Variants in IQCM observed in about 807,000 individuals in gnomAD.
The protein encoded by IQCM is IQ domain-containing protein M.
In IQCM, 45 loss-of-function variants were observed where a neutral mutation model predicts 57.6. The ratio of observed to expected loss-of-function variants is 0.78; its 90% CI spans 0.62 to 1.00. The LOEUF (loss-of-function observed/expected upper bound fraction) is 1.00. IQCM is among the 50% of genes least tolerant of loss of function. The probability of loss-of-function intolerance (pLI) is 0.00; values close to 1 mark genes in which losing one functional copy is unlikely to be tolerated. For missense variants in IQCM, 468 were observed against 511.6 expected, an observed-to-expected ratio of 0.91 and a Z score of 0.82; for synonymous variants, 148 against 158.9, an observed-to-expected ratio of 0.93 and a Z score of 0.51.
At chr4:149,618,560 C>A (rs908248192) in intron 8 of IQCM, among the ~76,000 whole-genome samples, 3 of 152,032 alleles carry the variant, frequency 2.0e-5, no homozygotes, top group South Asian at 2.1e-4. Flanking sequence ...AATAAACAGA[C>A]AACCTACAGA....
At chr4:149,659,966 C>A (rs1248495284) in intron 7 of IQCM, among the ~76,000 whole-genome samples, 2,399 of 151,432 alleles carry the variant, frequency 0.016, 35 homozygotes, top group African/African-American at 0.041. Context: ...GCAACAAAAG[C>A]CAAAATTGAC....
intron 5 of IQCM, chr4:149,691,653 G>A (rs1247690643): frequency 6.6e-6 from 1 of 152,060 alleles, no homozygotes; most frequent in Admixed American, 6.6e-5. Context: ...TGAAATTTTT[G>A]TTGTTGTTTT....
chr4:149,512,535 C>A (rs965169413), intron 12 of IQCM, among the ~76,000 whole-genome samples: 2 of 152,046 alleles, frequency 1.3e-5, no homozygotes, highest in African/African-American at 4.8e-5. Context: ...TAATTTCTTT[C>A]TCTTTTAAAT....
At chr4:149,414,728 A>C (rs1469513764) in intron 13 of IQCM, among the ~76,000 whole-genome samples, 1 of 152,060 alleles carries the variant, frequency 6.6e-6, no homozygotes, top group Non-Finnish European at 1.5e-5. Flanking sequence ...TTTTTTAAAA[A>C]TTAAAAAATA....
chr4:149,777,158 A>C (rs1320380563), intron 2 of IQCM, among the ~76,000 whole-genome samples: 1 of 152,184 alleles, frequency 6.6e-6, no homozygotes, highest in Non-Finnish European at 1.5e-5. Flanking sequence ...ATTTACTAAA[A>C]TCTTTCCTTT....
chr4:149,806,704 A>T (rs1213028067), intron 2 of IQCM, among the ~76,000 whole-genome samples: 3 of 152,006 alleles, frequency 2.0e-5, no homozygotes, highest in Admixed American at 2.0e-4. Flanking sequence ...TAAAGGATCA[A>T]AAATCTTATG....
At chr4:149,731,375 G>C (rs544699700) in intron 5 of IQCM, among the ~76,000 whole-genome samples, 1 of 152,144 alleles carries the variant, frequency 6.6e-6, no homozygotes, top group South Asian at 2.1e-4. Context: ...TGGAAGCAGA[G>C]ACTGGACCCT....
chr4:149,598,368 A>T (rs943944602), intron 8 of IQCM, among the ~76,000 whole-genome samples: 5 of 152,198 alleles, frequency 3.3e-5, no homozygotes, highest in African/African-American at 1.2e-4. Context: ...GGTAAAATAC[A>T]TTAAAATCTA....
intron 11 of IQCM, among the ~76,000 whole-genome samples, chr4:149,549,618 GA>G (rs1161302076): frequency 1.3e-5 from 2 of 152,092 alleles, no homozygotes; most frequent in Non-Finnish European, 2.9e-5. Flanking sequence ...TTTCTACTTT[GA>G]AATATGTTAC....
intron 8 of IQCM, among the ~76,000 whole-genome samples, chr4:149,609,417 A>G (rs1234931793): frequency 6.6e-6 from 1 of 151,906 alleles, no homozygotes; most frequent in Non-Finnish European, 1.5e-5. Flanking sequence ...TGATACAAAA[A>G]CCAGACAAAG....
intron 7 of IQCM, among the ~76,000 whole-genome samples, chr4:149,629,321 A>G (rs1757062355): frequency 2.0e-5 from 3 of 152,250 alleles, no homozygotes; most frequent in African/African-American, 7.2e-5. Flanking sequence ...TGATTATCCA[A>G]AGAAACAATA....
At chr4:149,669,202 G>A (rs996959894) in intron 7 of IQCM, among the ~76,000 whole-genome samples, 1 of 152,060 alleles carries the variant, frequency 6.6e-6, no homozygotes, top group African/African-American at 2.4e-5. Flanking sequence ...TCTCGTTGTG[G>A]TTTTGATTTG....
rs193033830 is a variant in IQCM at position 149,424,189 on chromosome 4, G to A, written c.1390+9207C>T. On this transcript the variant is annotated intron_variant, in intron 13 of 13. Coordinates refer to ENST00000636793, the MANE Select transcript of IQCM (RefSeq NM_001363507.2). ...CAAATAAATATTATATATTTCACAT[G>A]TATTTTAAAATGTAAAACTATTTTT... Among the ~76,000 whole-genome samples, 162 of 151,724 alleles carry A rather than the reference G, an allele frequency of 1.1e-3. 1 individual carries two copies. The highest frequency in any genetic ancestry group is 9.9e-3 in the Admixed American group (150 of 15,186).
chr4:149,698,812 A>G (rs1027752403), intron 5 of IQCM, among the ~76,000 whole-genome samples: 1 of 152,114 alleles, frequency 6.6e-6, no homozygotes, highest in Non-Finnish European at 1.5e-5. Flanking sequence ...AAGTAAGTAT[A>G]AATATGAACT....
At chr4:149,632,763 A>T (rs1028084665) in intron 7 of IQCM, among the ~76,000 whole-genome samples, 2 of 152,236 alleles carry the variant, frequency 1.3e-5, no homozygotes, top group African/African-American at 4.8e-5. Context: ...GATTGGTGGG[A>T]ACTTCACTAA....
At chr4:149,386,494 G>C (rs1186529224) in intron 13 of IQCM, among the ~76,000 whole-genome samples, 2 of 151,724 alleles carry the variant, frequency 1.3e-5, no homozygotes, top group South Asian at 4.2e-4. Context: ...CCTTTTAAAA[G>C]GTATACTTTT....
intron 2 of IQCM, among the ~76,000 whole-genome samples, chr4:149,790,505 G>A (rs531861634): frequency 1.6e-4 from 25 of 152,286 alleles, no homozygotes; most frequent in African/African-American, 5.8e-4. Context: ...GTGGATGTTT[G>A]CTACCTGTAT....
chr4:149,597,761 A>G (rs2150025484), intron 8 of IQCM, among the ~76,000 whole-genome samples: 1 of 152,306 alleles, frequency 6.6e-6, no homozygotes, highest in Non-Finnish European at 1.5e-5. Flanking sequence ...TTGAAAATAT[A>G]ATGGCAGAGT....
In IQCM at chr4:149,438,229, T is replaced by A. The variant is rs180675623; in HGVS notation, c.1229-4672A>T. Among the ~76,000 whole-genome samples the A allele has an allele frequency of 9.2e-5, 14 of 152,220 alleles. No individual in the cohort carries two copies. The East Asian group carries it at 2.7e-3, about 29-fold the overall frequency. ...GCAAGGTTTAAAAAAAAAACATATTTTATAGTTTTCATACTAATACAGGCT... is the reference window on the plus strand; with the variant it reads ...GCAAGGTTTAAAAAAAAAACATATTATATAGTTTTCATACTAATACAGGCT... On this transcript the variant is annotated intron_variant, in intron 12 of 13. Coordinates refer to ENST00000636793, the MANE Select transcript of IQCM (RefSeq NM_001363507.2).
Sources: allele counts gnomAD v4.1 joint callset (sites outside exome capture counted in the v4.1 genomes callset), GRCh38; gene constraint gnomAD v4.1.1; transcripts MANE v1.5; gene names NCBI Gene and HGNC (gene_info 2026-07-23, HGNC 2026-07-21).